TENM2: variants seen among roughly 807,000 people sequenced by gnomAD.
TENM2 encodes teneurin transmembrane protein 2.
TENM2 carries 52 observed loss-of-function variants against 245.2 expected under a neutral mutation model. The observed-to-expected ratio is 0.21, with a 90% CI of 0.17 to 0.27. TENM2 has a LOEUF of 0.27. Ranked by LOEUF, TENM2 falls within the 10% of genes least tolerant of loss-of-function variation. The probability of loss-of-function intolerance (pLI) is 1.00; values close to 1 mark genes in which losing one functional copy is unlikely to be tolerated. For missense variants in TENM2, 3,046 were observed against 3,666.8 expected, an observed-to-expected ratio of 0.83 and a Z score of 4.37; for synonymous variants, 1,363 against 1,438.9, an observed-to-expected ratio of 0.95 and a Z score of 1.19.
intron 2 of TENM2, among the ~76,000 whole-genome samples, chr5:167,434,685 A>G (rs1764439559): frequency 6.6e-6 from 1 of 152,102 alleles, no homozygotes; most frequent in African/African-American, 2.4e-5. Context: ...TTTTATGTGG[A>G]TTTAGTATAA....
At chr5:168,037,019 A>G (rs1165628412) in intron 5 of TENM2, among the ~76,000 whole-genome samples, 2 of 151,940 alleles carry the variant, frequency 1.3e-5, no homozygotes, top group African/African-American at 4.8e-5. Flanking sequence ...CTGCTACCTA[A>G]TCAGGCCCTG....
At chr5:168,254,991 G>A (rs1178458949) in intron 27 of TENM2, among the ~76,000 whole-genome samples, 2 of 151,708 alleles carry the variant, frequency 1.3e-5, no homozygotes, top group Admixed American at 1.3e-4. Flanking sequence ...AGGTTGCAGT[G>A]AGACGAGGTC....
chr5:167,445,335 A>G lies in TENM2; in HGVS notation c.502+69862A>G, dbSNP rs201543843. On this transcript the variant is annotated intron_variant, in intron 2 of 28. Coordinates refer to ENST00000518659, the Ensembl canonical transcript of TENM2. ...ATTATATATATATATATATATATATATAGAGAGAGAGAGAGAGAGAGAGAG... is the reference window on the plus strand; with the variant it reads ...ATTATATATATATATATATATATATGTAGAGAGAGAGAGAGAGAGAGAGAG... 3.7e-3 allele frequency among the ~76,000 whole-genome samples: 216 copies of G among 59,168 alleles called. 1 individual carries two copies. Among genetic ancestry groups the G allele is most frequent in the African/African-American group, 5.8e-3 (54 of 9,272 alleles). The allele number at this position is 59,168 out of a possible 152,430, so 38.8% of individuals were successfully genotyped here.
intron 2 of TENM2, among the ~76,000 whole-genome samples, chr5:167,652,588 C>T (rs894926900): frequency 5.4e-5 from 2 of 37,102 alleles, no homozygotes; most frequent in Non-Finnish European, 1.1e-4. Context: ...TTCCCCCAAA[C>T]CACCAAGCAA....
At chr5:167,355,819 GA>G (rs1166885671) in intron 1 of TENM2, among the ~76,000 whole-genome samples, 1 of 150,472 alleles carries the variant, frequency 6.6e-6, no homozygotes, top group Non-Finnish European at 1.5e-5. Context: ...GTTTTGCTGA[GA>G]AAAGTTGGCA....
the TENM2 span, among the ~76,000 whole-genome samples, chr5:167,225,836 C>A: frequency 6.6e-6 from 1 of 151,988 alleles, no homozygotes; most frequent in South Asian, 2.1e-4. Context: ...ATGATTCAAT[C>A]TTGCTACTTG....
At chr5:167,077,610 A>G in the TENM2 span, among the ~76,000 whole-genome samples, 1 of 152,198 alleles carries the variant, frequency 6.6e-6, no homozygotes, top group Non-Finnish European at 1.5e-5. Flanking sequence ...TTAATTATGT[A>G]TTTTTAAATC....
chr5:168,210,289 C>T (rs1054021677), intron 19 of TENM2, among the ~76,000 whole-genome samples: 1 of 152,188 alleles, frequency 6.6e-6, no homozygotes, highest in Non-Finnish European at 1.5e-5. Context: ...TTCACCCCGC[C>T]CTTCTCCTTC....
At chr5:167,098,091 C>G in the TENM2 span, among the ~76,000 whole-genome samples, 1 of 152,090 alleles carries the variant, frequency 6.6e-6, no homozygotes, top group African/African-American at 2.4e-5. Context: ...AATATGCTAC[C>G]TTTATGTGGT....
At chr5:167,569,507 C>A (rs1411838962) in intron 2 of TENM2, among the ~76,000 whole-genome samples, 1 of 152,110 alleles carries the variant, frequency 6.6e-6, no homozygotes, top group Admixed American at 6.5e-5. Flanking sequence ...ATAAAAATAA[C>A]TAGAAGGTAG....
chr5:167,785,350 A>T (rs143590885), intron 2 of TENM2, among the ~76,000 whole-genome samples: 2 of 152,330 alleles, frequency 1.3e-5, no homozygotes, highest in African/African-American at 4.8e-5. Flanking sequence ...GTTTTAAGGA[A>T]GTTTCTTTCT....
At chr5:167,777,395 T>G (rs1763882809) in intron 2 of TENM2, among the ~76,000 whole-genome samples, 1 of 152,272 alleles carries the variant, frequency 6.6e-6, no homozygotes, top group Non-Finnish European at 1.5e-5. Flanking sequence ...TTCATTTAAT[T>G]AATTTATTTT....
intron 2 of TENM2, among the ~76,000 whole-genome samples, chr5:167,386,496 C>T (rs771160241): frequency 3.3e-5 from 5 of 152,134 alleles, no homozygotes; most frequent in Non-Finnish European, 7.4e-5. Context: ...TTTCCTTTTG[C>T]CATCCAGAAG....
chr5:167,547,068 G>T (rs1772606726), intron 2 of TENM2, among the ~76,000 whole-genome samples: 1 of 152,114 alleles, frequency 6.6e-6, no homozygotes, highest in South Asian at 2.1e-4. Flanking sequence ...ACCAGCATCT[G>T]TCTGGAAGTG....
intron 3 of TENM2, among the ~76,000 whole-genome samples, chr5:167,931,081 T>C (rs758389929): frequency 2.0e-4 from 30 of 152,222 alleles, no homozygotes; most frequent in Non-Finnish European, 5.9e-5. Context: ...ATAACACCCT[T>C]TGCCCCTTGA....
At chr5:167,801,095 G>GAAAAAAAAA (rs1176405769) in intron 2 of TENM2, among the ~76,000 whole-genome samples, 1 of 50,740 alleles carries the variant, frequency 2.0e-5, no homozygotes, top group African/African-American at 7.0e-5. Flanking sequence ...TATTTGAAAA[G>GAAAAAAAAA]AAAAAAAAAA....
At chr5:168,172,712 C>T (rs1758957049) in intron 13 of TENM2, among the ~76,000 whole-genome samples, 1 of 152,172 alleles carries the variant, frequency 6.6e-6, no homozygotes, top group Non-Finnish European at 1.5e-5. Flanking sequence ...TTAGCTTTTC[C>T]CTCCGGTTTT....
intron 2 of TENM2, among the ~76,000 whole-genome samples, chr5:167,621,153 A>G (rs1367885755): frequency 2.0e-5 from 3 of 152,204 alleles, no homozygotes; most frequent in Non-Finnish European, 2.9e-5. Flanking sequence ...AAAGTCTACA[A>G]CATGAAAAAG....
intron 1 of TENM2, among the ~76,000 whole-genome samples, chr5:167,367,066 A>G (rs1308245804): frequency 6.6e-6 from 1 of 152,118 alleles, no homozygotes; most frequent in Non-Finnish European, 1.5e-5. Flanking sequence ...TTCAGATTGG[A>G]ATGGGAAAAT....
Sources: allele counts gnomAD v4.1 joint callset (sites outside exome capture counted in the v4.1 genomes callset), GRCh38; gene constraint gnomAD v4.1.1; transcripts MANE v1.5; gene names NCBI Gene and HGNC (gene_info 2026-07-23, HGNC 2026-07-21).